PLIN1: variants seen among roughly 807,000 people sequenced by gnomAD.
The protein encoded by PLIN1 is perilipin-1.
Under a neutral mutation model 45.8 loss-of-function variants are expected in PLIN1, and 37 were observed. The ratio of observed to expected loss-of-function variants is 0.81; its 90% CI spans 0.62 to 1.06. PLIN1 has a LOEUF of 1.06. Ranked by LOEUF, PLIN1 falls within the 50% of genes least tolerant of loss-of-function variation. The probability of loss-of-function intolerance (pLI) is 0.00; values close to 1 mark genes in which losing one functional copy is unlikely to be tolerated. For missense variants in PLIN1, 776 were observed against 716.5 expected, an observed-to-expected ratio of 1.08 and a Z score of -0.95; for synonymous variants, 340 against 309.2, an observed-to-expected ratio of 1.10 and a Z score of -1.05.
At chr15:89,671,307 G>T (rs1008791447) in intron 4 of PLIN1, among the ~76,000 whole-genome samples, 175 bp downstream of exon 4, 1 of 147,012 alleles carries the variant, frequency 6.8e-6, no homozygotes, top group Admixed American at 6.7e-5. Context: ...AGCTTCACAG[G>T]GAGAAGAGGA....
At chr15:89,667,507 G>T in intron 7 of PLIN1, 95 bp downstream of exon 7, 1 of 1,589,692 alleles carries the variant, frequency 6.3e-7, no homozygotes, top group Non-Finnish European at 8.6e-7. Context: ...CCGTGCCCCT[G>T]CATCTGGGGC....
rs146569237 is a variant in PLIN1, at chr15:89,673,236, G to A, written c.224C>T (p.Pro75Leu). ...ASSLAAWSME[P>L]VVRRLSTQFT... ...CTGGGTGGACAGCCTGCGGACCACC[G>A]GCTCCATGCTCCAGGCAGCCAAGCT... The change falls in exon 3 of 9, where the codon CCG (proline) becomes CTG (leucine). Residue 75 changes from proline to leucine, a missense_variant. By Grantham distance (98) the Pro-to-Leu change is moderately conservative. Transcript: ENST00000300055. The A allele has an allele frequency of 2.0e-4, 317 of 1,573,432 alleles. No individual in the cohort carries two copies. The highest frequency in any genetic ancestry group is 5.6e-4 in the South Asian group (48 of 85,986).
rs1484609598 is a variant in PLIN1 at position 89,665,006 on chromosome 15, A to G, written c.*577T>C. On this transcript the variant is annotated 3_prime_UTR_variant, in exon 9 of 9. Coordinates refer to ENST00000300055, the MANE Select transcript of PLIN1 (RefSeq NM_002666.5). ...AAGCGGCGGGTACTCAGAAAGTGACACTAGTATTTTAAATAAACACCCAAG... is the reference window on the plus strand; with the variant it reads ...AAGCGGCGGGTACTCAGAAAGTGACGCTAGTATTTTAAATAAACACCCAAG... The G allele has an allele frequency of 4.5e-6, 2 of 444,450 alleles. No homozygotes were observed. The highest frequency in any genetic ancestry group is 4.5e-6 in the Non-Finnish European group (1 of 221,674). 27.5% of individuals were successfully genotyped at this position (444,450 alleles called of 1,614,324 possible).
chr15:89,667,245 G>T, intron 7 of PLIN1, 64 bp from the exon 8 acceptor site: 4 of 1,601,192 alleles, frequency 2.5e-6, no homozygotes, highest in Non-Finnish European at 3.4e-6. Context: ...CTCCCCACCA[G>T]CCCCAGGGCT....
At chr15:89,671,735 C>A (rs1368617494) in intron 3 of PLIN1, among the ~76,000 whole-genome samples, 171 bp from the exon 4 acceptor site, 1 of 152,056 alleles carries the variant, frequency 6.6e-6, no homozygotes, top group African/African-American at 2.4e-5. Flanking sequence ...TCTGCAGGGA[C>A]TCCTCAAGAC....
chr15:89,672,813 A>G (rs577135408), intron 3 of PLIN1, among the ~76,000 whole-genome samples: 9 of 152,204 alleles, frequency 5.9e-5, no homozygotes, highest in African/African-American at 2.2e-4. Context: ...CGGCCCTGCC[A>G]GGCCCCCTAG....
chr15:89,671,503 G>A lies in PLIN1; in HGVS notation c.312C>T (p.Ala104=). ...GLDHLEEKIP[A]LQYPPEKIAS... ...TCACCTTTTCAGGGGGGTACTGGAG[G>A]GCGGGGATCTTTTCCTCCAGGTGGT... The change falls in exon 4 of 9, where the codon GCC becomes GCT. Residue 104 remains alanine (A), a synonymous_variant. Transcript: ENST00000300055. 1 of 1,574,130 alleles carries A rather than the reference G, an allele frequency of 6.4e-7. No individual in the cohort carries two copies. The highest frequency in any genetic ancestry group is 8.6e-7 in the Non-Finnish European group (1 of 1,159,206).
rs184092554 is a variant in PLIN1, at chr15:89,676,392, C to T, written c.45+1053G>A. On this transcript the variant is annotated intron_variant, in intron 2 of 8. Transcript: ENST00000300055. The stretch of plus-strand genomic sequence containing the variant: ...TCTCCCAAGTAGCTGGGACTACAGG[C>T]GCCCGCCACCATACCCCGCTGATTT... Among the ~76,000 whole-genome samples, 397 of 152,206 alleles carry T rather than the reference C, an allele frequency of 2.6e-3. 1 individual carries two copies. The highest frequency in any genetic ancestry group is 8.6e-3 in the African/African-American group (356 of 41,532).
rs1025630160 is a variant in PLIN1 at position 89,676,276 on chromosome 15, A to G, written c.45+1169T>C. ...TGTTTGTTTGTTTTTTTGAGATGGAATCTCGCTGTCTCCCAGGCTGGAGTG... is the reference window on the plus strand; with the variant it reads ...TGTTTGTTTGTTTTTTTGAGATGGAGTCTCGCTGTCTCCCAGGCTGGAGTG... On this transcript the variant is annotated intron_variant, in intron 2 of 8. Transcript: ENST00000300055. Among the ~76,000 whole-genome samples, 14 of 152,044 alleles carry G rather than the reference A, an allele frequency of 9.2e-5. 1 individual carries two copies. Among genetic ancestry groups the G allele is most frequent in the East Asian group, 3.9e-4 (2 of 5,188 alleles).
At chr15:89,668,913 T>C (rs8179043) in intron 6 of PLIN1, among the ~76,000 whole-genome samples, 88,590 of 152,144 alleles carry the variant, frequency 0.58, 27,296 homozygotes, top group Non-Finnish European at 0.71. Context: ...CTGGCCTTAG[T>C]TTCTTACTAA....
chr15:89,668,978 G>A (rs1166155640), intron 6 of PLIN1, among the ~76,000 whole-genome samples: 4 of 150,436 alleles, frequency 2.7e-5, no homozygotes, highest in Non-Finnish European at 2.9e-5. Context: ...AGAGGTGGAG[G>A]TGGGGAGTGG....
At chr15:89,669,399 T>C (rs1964399329) in intron 6 of PLIN1, 101 bp downstream of exon 6, 2 of 1,031,768 alleles carry the variant, frequency 1.9e-6, no homozygotes, top group Non-Finnish European at 3.0e-6. Flanking sequence ...GAGAGAATGT[T>C]CTCAGGACAG....
chr15:89,670,289 C>T (rs1168410641), intron 4 of PLIN1, 45 bp from the exon 5 acceptor site: 2 of 1,583,870 alleles, frequency 1.3e-6, no homozygotes, highest in Non-Finnish European at 1.7e-6. Flanking sequence ...TCTTGCAGGC[C>T]CTACAAGGGC....
At chr15:89,673,470 A>C in intron 2 of PLIN1, 56 bp from the exon 3 acceptor site, 3 of 1,425,736 alleles carry the variant, frequency 2.1e-6, no homozygotes, top group African/African-American at 1.4e-5. Context: ...GCCTCCCGGG[A>C]AGCTGACCCC....
rs1167539705 is a variant in PLIN1, at chr15:89,667,730, C to T, written c.835G>A (p.Val279Met). The T allele has an allele frequency of 6.4e-7, 1 of 1,571,914 alleles. No homozygotes were observed. Among genetic ancestry groups the T allele is most frequent in the Non-Finnish European group, 8.6e-7 (1 of 1,158,562 alleles). ...AGGCTGTGCAGCCAGGGTACCCGCA[C>T]TTCGCTCCTCCGCCGGGACACCGCC... ...MQAVSRRRSE[V>M]RVPWLHSLAA... Residue 279 changes from valine (V) to methionine (M), a missense_variant, in exon 7 of 9, where the codon GTG (valine) becomes ATG (methionine). Coordinates refer to ENST00000300055, the MANE Select transcript of PLIN1 (RefSeq NM_002666.5).
At chr15:89,672,540 A>C (rs374264403) in intron 3 of PLIN1, among the ~76,000 whole-genome samples, 4 of 152,274 alleles carry the variant, frequency 2.6e-5, no homozygotes, top group South Asian at 4.1e-4. Context: ...GTCCTCAGCT[A>C]CCCATAATTC....
rs563631835 is a variant in PLIN1, at chr15:89,676,383, G to A, written c.45+1062C>T. Reference sequence around the variant, plus strand: ...CTGCCTCAGTCTCCCAAGTAGCTGGGACTACAGGCGCCCGCCACCATACCC... The same window carrying A: ...CTGCCTCAGTCTCCCAAGTAGCTGGAACTACAGGCGCCCGCCACCATACCC... On this transcript the variant is annotated intron_variant, in intron 2 of 8. Transcript: ENST00000300055. Among the ~76,000 whole-genome samples the A allele has an allele frequency of 7.9e-5, 12 of 152,306 alleles. No homozygotes were observed. In the South Asian group the frequency reaches 2.3e-3, roughly 29 times the overall value.
intron 5 of PLIN1, 54 bp downstream of exon 5, chr15:89,669,926 C>G: frequency 6.4e-7 from 1 of 1,571,796 alleles, no homozygotes; most frequent in South Asian, 1.1e-5. Context: ...TGCTGATTCC[C>G]AGGCAGTGTG....
chr15:89,672,265 G>A (rs1205319026), intron 3 of PLIN1, among the ~76,000 whole-genome samples: 2 of 152,264 alleles, frequency 1.3e-5, no homozygotes, highest in African/African-American at 2.4e-5. Flanking sequence ...AGGGGATCCC[G>A]CCTGGATTGG....
Sources: gnomAD v4.1 joint callset for allele counts (sites outside exome capture counted in the v4.1 genomes callset) on GRCh38, gnomAD v4.1.1 for gene constraint, MANE v1.5 for transcripts, NCBI Gene and HGNC (gene_info 2026-07-23, HGNC 2026-07-21) for gene names.